Variants in PRKG1 observed in about 807,000 individuals in gnomAD.
The protein encoded by PRKG1 is protein kinase cGMP-dependent 1, also known as cGMP-dependent protein kinase 1.
Under a neutral mutation model 88.1 loss-of-function variants are expected in PRKG1, and 35 were observed. The ratio of observed to expected loss-of-function variants is 0.40; its 90% confidence interval spans 0.30 to 0.53. PRKG1 has a LOEUF of 0.53. Among genes scored for constraint, PRKG1 ranks in the 20% least tolerant of loss-of-function variants. The probability of loss-of-function intolerance (pLI) is 0.59; values close to 1 mark genes in which losing one functional copy is unlikely to be tolerated. For missense variants in PRKG1, 540 were observed against 839.8 expected, an observed-to-expected ratio of 0.64 and a Z score of 4.41; for synonymous variants, 303 against 292.5, an observed-to-expected ratio of 1.04 and a Z score of -0.37.
At position 51,227,555 on chromosome 10, in the gene PRKG1, A is replaced by T. The variant is rs146933409; in HGVS notation, c.478+74225A>T. On this transcript the variant is annotated intron_variant, in intron 2 of 17. Coordinates refer to ENST00000373980, the MANE Select transcript of PRKG1 (RefSeq NM_006258.4). ...CACTAGGAATGTAAAGACACATCAT[A>T]ATATGACCTTCTGAGGGACAAAAAT... is the stretch of plus-strand genomic sequence containing the variant. 3.0e-3 allele frequency among the ~76,000 whole-genome samples: 463 copies of T among 152,324 alleles called. 1 individual carries two copies. Among genetic ancestry groups the T allele is most frequent in the African/African-American group, 0.01 (431 of 41,570 alleles).
chr10:52,082,749 AT>A (rs1846810556), intron 7 of PRKG1, among the ~76,000 whole-genome samples: 1 of 152,106 alleles, frequency 6.6e-6, no homozygotes, highest in African/African-American at 2.4e-5. Flanking sequence ...ACACTTGACC[AT>A]TTTAAGAGGA....
chr10:51,301,395 C>T (rs1298283318), intron 2 of PRKG1, among the ~76,000 whole-genome samples: 1 of 151,988 alleles, frequency 6.6e-6, no homozygotes, highest in Non-Finnish European at 1.5e-5. Context: ...AAGGTACCTT[C>T]TTTTAGACCT....
intron 3 of PRKG1, among the ~76,000 whole-genome samples, chr10:51,702,730 C>G (rs907381946): frequency 6.6e-6 from 1 of 151,824 alleles, no homozygotes; most frequent in Admixed American, 6.6e-5. Context: ...GGATTTCACT[C>G]CTGTCAGCCA....
At chr10:51,967,893 C>T (rs1589465887) in intron 5 of PRKG1, among the ~76,000 whole-genome samples, 2 of 152,280 alleles carry the variant, frequency 1.3e-5, no homozygotes, top group East Asian at 3.9e-4. Flanking sequence ...CAGTTCATCA[C>T]CTGCTTTAGG....
intron 2 of PRKG1, among the ~76,000 whole-genome samples, chr10:51,397,227 G>T (rs529753391): frequency 1.1e-4 from 17 of 148,738 alleles, no homozygotes; most frequent in African/African-American, 3.5e-4. Flanking sequence ...GTTTTTAAAA[G>T]AATTTAATCA....
chr10:51,173,416 G>GTA (rs1837101873), intron 2 of PRKG1, among the ~76,000 whole-genome samples: 1 of 151,368 alleles, frequency 6.6e-6, no homozygotes, highest in African/African-American at 2.4e-5. Context: ...TGGGCAGTGT[G>GTA]TGTGTGTGTG....
chr10:51,496,149 T>C (rs1289669841), intron 3 of PRKG1, among the ~76,000 whole-genome samples: 1 of 152,184 alleles, frequency 6.6e-6, no homozygotes, highest in Non-Finnish European at 1.5e-5. Flanking sequence ...AATGAAGTGA[T>C]GTTCTGCTCT....
chr10:51,011,292 C>G (rs2132724063), intron 1 of PRKG1, among the ~76,000 whole-genome samples: 1 of 152,050 alleles, frequency 6.6e-6, no homozygotes, highest in South Asian at 2.1e-4. Context: ...ACTCTACCCA[C>G]CAGTAACACC....
intron 5 of PRKG1, among the ~76,000 whole-genome samples, chr10:52,015,277 T>A (rs1845009047): frequency 6.6e-6 from 1 of 152,180 alleles, no homozygotes. Context: ...TGCCTACCCA[T>A]AGACACAACA....
intron 5 of PRKG1, among the ~76,000 whole-genome samples, chr10:52,037,443 G>T (rs1389292192): frequency 6.6e-6 from 1 of 152,244 alleles, no homozygotes; most frequent in Non-Finnish European, 1.5e-5. Context: ...TTTATTTAAT[G>T]TCTGGAGCAG....
intron 1 of PRKG1, among the ~76,000 whole-genome samples, chr10:51,039,461 C>T (rs191286769): frequency 2.0e-3 from 311 of 152,186 alleles, no homozygotes; most frequent in African/African-American, 7.2e-3. Context: ...GTTGTTTGAG[C>T]TCCTTATATA....
intron 3 of PRKG1, among the ~76,000 whole-genome samples, chr10:51,662,678 C>T (rs1205608531): frequency 1.3e-5 from 2 of 151,922 alleles, no homozygotes; most frequent in Non-Finnish European, 2.9e-5. Context: ...CAACCATAGA[C>T]TAAGGAGAAA....
chr10:51,982,526 G>A (rs1252054036), intron 5 of PRKG1, among the ~76,000 whole-genome samples: 1 of 152,168 alleles, frequency 6.6e-6, no homozygotes, highest in African/African-American at 2.4e-5. Flanking sequence ...GTTTGATGGT[G>A]CTATAAGGTG....
chr10:51,930,493 C>CT (rs1842668175), intron 5 of PRKG1, among the ~76,000 whole-genome samples: 1 of 85,398 alleles, frequency 1.2e-5, no homozygotes, highest in Non-Finnish European at 2.0e-5. Flanking sequence ...TTTTTTTTTC[C>CT]TCTTTTTTTT....
chr10:51,198,914 T>C (rs766029990), intron 2 of PRKG1, among the ~76,000 whole-genome samples: 104 of 152,178 alleles, frequency 6.8e-4, no homozygotes, highest in Non-Finnish European at 1.1e-3. Flanking sequence ...CACAAAAATA[T>C]CAAGAATCAT....
chr10:51,409,171 G>C (rs1176871732), intron 2 of PRKG1, among the ~76,000 whole-genome samples: 1 of 152,208 alleles, frequency 6.6e-6, no homozygotes, highest in Admixed American at 6.5e-5. Flanking sequence ...TGCCGTAGCT[G>C]TCTGCTTTTG....
intron 3 of PRKG1, among the ~76,000 whole-genome samples, chr10:51,651,780 C>T (rs1212398214): frequency 6.6e-6 from 1 of 152,008 alleles, no homozygotes; most frequent in East Asian, 1.9e-4. Context: ...GACAGGGTTT[C>T]ACCATGTTGG....
intron 2 of PRKG1, among the ~76,000 whole-genome samples, chr10:51,217,084 A>G (rs942181738): frequency 1.3e-5 from 2 of 152,106 alleles, no homozygotes; most frequent in African/African-American, 2.4e-5. Flanking sequence ...AAAGTTTAAT[A>G]CCCACTGAGG....
chr10:52,087,437 T>A (rs892104225), intron 7 of PRKG1, among the ~76,000 whole-genome samples: 2 of 152,202 alleles, frequency 1.3e-5, no homozygotes, highest in African/African-American at 4.8e-5. Context: ...ATATTCCACA[T>A]ATTTTTCACA....
Sources: gnomAD v4.1 joint callset for allele counts (sites outside exome capture counted in the v4.1 genomes callset) on GRCh38, gnomAD v4.1.1 for gene constraint, MANE v1.5 for transcripts, NCBI Gene and HGNC (gene_info 2026-07-23, HGNC 2026-07-21) for gene names.